ANO3: variants seen among roughly 807,000 people sequenced by gnomAD.
ANO3 encodes anoctamin-3.
In ANO3, 99 loss-of-function variants were observed where a neutral mutation model predicts 144.8. The ratio of observed to expected loss-of-function variants is 0.68; its 90% CI spans 0.58 to 0.81. The LOEUF is 0.81. Among genes scored for constraint, ANO3 ranks in the 30% least tolerant of loss-of-function variants. The probability of loss-of-function intolerance (pLI) is 0.00; values close to 1 mark genes in which losing one functional copy is unlikely to be tolerated. For missense variants in ANO3, 905 were observed against 1,202.2 expected, an observed-to-expected ratio of 0.75 and a Z score of 3.66; for synonymous variants, 414 against 392.6, an observed-to-expected ratio of 1.05 and a Z score of -0.64.
chr11:26,565,912 C>T, intron 14 of ANO3: 1 of 1,554,370 alleles, frequency 6.4e-7, no homozygotes, highest in Non-Finnish European at 8.6e-7. Context: ...AGAAAATAAC[C>T]ATAATTTGAA....
intron 1 of ANO3, among the ~76,000 whole-genome samples, chr11:26,406,996 G>GTA (rs1269992408): frequency 4.5e-4 from 63 of 140,158 alleles, no homozygotes; most frequent in African/African-American, 1.5e-3. Flanking sequence ...TTATAGGTGT[G>GTA]TATATATATA....
In ANO3 at chr11:26,599,707, T is replaced by G; in HGVS notation, c.1829T>G (p.Leu610Arg). 1 of 1,613,766 alleles carries G rather than the reference T, an allele frequency of 6.2e-7. No homozygotes were observed. The highest frequency in any genetic ancestry group is 8.5e-7 in the Non-Finnish European group (1 of 1,179,752). Residue 610 changes from leucine (L) to arginine (R), a missense_variant, in exon 17 of 27, where the codon CTG (leucine) becomes CGG (arginine). Physicochemically the swap from Leu to Arg is moderately radical, Grantham distance 102. Coordinates refer to ENST00000256737, the MANE Select transcript of ANO3 (RefSeq NM_031418.4). ...ATCAATTTCATAATCATTATGTTGC[T>G]GAATCTTGTAAGTGTCTATAATGTT... Reference protein sequence around the residue: ...VCINFIIIMLLNLAYEKIAYL... With the variant: ...VCINFIIIMLRNLAYEKIAYL...
chr11:26,392,720 T>A (rs1057439926), intron 1 of ANO3, among the ~76,000 whole-genome samples: 1 of 152,090 alleles, frequency 6.6e-6, no homozygotes, highest in African/African-American at 2.4e-5. Flanking sequence ...GGCATTACGT[T>A]TTTGAGAGAG....
chr11:26,549,526 A>G (rs547022375), intron 12 of ANO3, among the ~76,000 whole-genome samples: 3 of 152,076 alleles, frequency 2.0e-5, no homozygotes, highest in East Asian at 3.9e-4. Context: ...AAATGTTCCA[A>G]AGATGCAGAT....
rs11603910 is a variant in ANO3 at position 26,641,751 on chromosome 11, T to A, written c.2142-145T>A. 538,451 of 852,854 alleles carry A rather than the reference T, an allele frequency of 0.63. 175,381 individuals carry two copies. The highest frequency in any genetic ancestry group is 0.7 in the East Asian group (21,774 of 31,000). The allele number at this position is 852,854 out of a possible 1,614,324, so 52.8% of individuals were successfully genotyped here. A position where few individuals can be genotyped will look rare whatever the true frequency, so the allele number is the denominator to read the frequency against. ...TTTCAAAATGTTTTTTTAACTTTTT[T>A]AAAAAACTTTTATAAAAGGTAAAAC... On this transcript the variant is annotated intron_variant, in intron 21 of 26. Coordinates refer to ENST00000256737, the MANE Select transcript of ANO3 (RefSeq NM_031418.4).
intron 1 of ANO3, chr11:26,287,478 G>A (rs1195859738): frequency 6.6e-6 from 1 of 152,154 alleles, no homozygotes; most frequent in African/African-American, 2.4e-5. Context: ...AGGTCACACA[G>A]TCATTAAGCA....
chr11:26,565,488 G>A, intron 14 of ANO3: 2 of 1,613,336 alleles, frequency 1.2e-6, no homozygotes, highest in South Asian at 1.1e-5. Context: ...TGCTATAGGT[G>A]CATTCCAAGG....
At chr11:26,644,865 C>T (rs1253525773) in intron 23 of ANO3, among the ~76,000 whole-genome samples, 1 of 143,226 alleles carries the variant, frequency 7.0e-6, no homozygotes, top group Admixed American at 7.0e-5. Flanking sequence ...TATATACATA[C>T]TATAACTGTG....
intron 3 of ANO3, among the ~76,000 whole-genome samples, chr11:26,451,292 C>G (rs930689108): frequency 2.0e-5 from 3 of 152,188 alleles, no homozygotes; most frequent in Non-Finnish European, 4.4e-5. Flanking sequence ...CATTGCCTCA[C>G]TCGGGAAGCG....
At chr11:26,637,781 T>TA (rs200260181) in intron 20 of ANO3, among the ~76,000 whole-genome samples, 7 of 151,644 alleles carry the variant, frequency 4.6e-5, no homozygotes, top group African/African-American at 1.7e-4. Flanking sequence ...CTTTGTGTCT[T>TA]ATTTGTTCTC....
intron 1 of ANO3, among the ~76,000 whole-genome samples, chr11:26,412,737 G>A (rs1305455085): frequency 6.7e-6 from 1 of 150,078 alleles, no homozygotes; most frequent in Non-Finnish European, 1.5e-5. Context: ...TATTAGTTAA[G>A]CATATTAGGT....
At chr11:26,428,115 A>T (rs1035719459) in intron 1 of ANO3, among the ~76,000 whole-genome samples, 10 of 152,206 alleles carry the variant, frequency 6.6e-5, no homozygotes, top group African/African-American at 2.4e-4. Context: ...AGTTACAAAA[A>T]TCAGAAAGTA....
chr11:26,540,486 A>G (rs994477547), intron 10 of ANO3, among the ~76,000 whole-genome samples: 1 of 152,188 alleles, frequency 6.6e-6, no homozygotes, highest in Admixed American at 6.6e-5. Context: ...GCTTCTTCAC[A>G]GCAAAAGAAA....
intron 6 of ANO3, among the ~76,000 whole-genome samples, chr11:26,525,039 C>T (rs1849126783): frequency 6.6e-6 from 1 of 152,124 alleles, no homozygotes; most frequent in Non-Finnish European, 1.5e-5. Context: ...GTCCTTTGTC[C>T]TCCACCTGTA....
At chr11:26,568,406 A>G (rs1850680999) in intron 14 of ANO3, among the ~76,000 whole-genome samples, 1 of 151,866 alleles carries the variant, frequency 6.6e-6, no homozygotes, top group African/African-American at 2.4e-5. Flanking sequence ...TCATGTTTGT[A>G]ACATAAGTTG....
rs527511100 is a variant in ANO3, at chr11:26,624,022, G to A, written c.1837-440G>A. Among the ~76,000 whole-genome samples the A allele has an allele frequency of 9.2e-5, 14 of 152,172 alleles. No individual in the cohort carries two copies. In the South Asian group the frequency reaches 2.5e-3, roughly 27 times the overall value. On this transcript the variant is annotated intron_variant, in intron 17 of 26. Transcript: ENST00000256737. ...AGGATGGTCTCGATCTCCTGACTTC[G>A]TGATCCGCCCGCCTAGGCCTCCCAA... is the stretch of plus-strand genomic sequence containing the variant.
At chr11:26,349,758 C>T (rs1855589829) in intron 1 of ANO3, among the ~76,000 whole-genome samples, 1 of 151,988 alleles carries the variant, frequency 6.6e-6, no homozygotes, top group South Asian at 2.1e-4. Context: ...CTGTGTTAGC[C>T]AGGATGGTCT....
chr11:26,594,934 G>A (rs74949044), intron 14 of ANO3, among the ~76,000 whole-genome samples: 23,522 of 152,056 alleles, frequency 0.15, 2,105 homozygotes, highest in East Asian at 0.33. Context: ...GTGGCCTGGC[G>A]GGACTGCAGA....
At chr11:26,375,832 T>C (rs142639588) in intron 1 of ANO3, among the ~76,000 whole-genome samples, 1 of 151,912 alleles carries the variant, frequency 6.6e-6, no homozygotes, top group South Asian at 2.1e-4. Context: ...CAAGACCCCA[T>C]GAAAAGAAAC....
Sources: allele counts gnomAD v4.1 joint callset (sites outside exome capture counted in the v4.1 genomes callset), GRCh38; gene constraint gnomAD v4.1.1; transcripts MANE v1.5; gene names NCBI Gene and HGNC (gene_info 2026-07-23, HGNC 2026-07-21).